The following ROPN1 variants were observed in gnomAD, a reference collection of about 807,000 sequenced individuals.
ROPN1 encodes the protein ropporin-1A.
In ROPN1, 14 loss-of-function variants were observed where a neutral mutation model predicts 20.5. That is an observed-to-expected ratio of 0.68 (90% CI 0.45 to 1.07). The LOEUF (loss-of-function observed/expected upper bound fraction) is 1.07, where lower values mean the gene tolerates loss of function less well. ROPN1 is among the 50% of genes least tolerant of loss of function. ROPN1 has a pLI of 0.00. For missense variants in ROPN1, 169 were observed against 242.8 expected, an observed-to-expected ratio of 0.70 and a Z score of 2.02; for synonymous variants, 76 against 95.7, an observed-to-expected ratio of 0.79 and a Z score of 1.20.
chr3:123,977,779 G>A (rs2038053914), intron 2 of ROPN1, among the ~76,000 whole-genome samples: 1 of 152,220 alleles, frequency 6.6e-6, no homozygotes, highest in African/African-American at 2.4e-5. Context: ...AATTTTCAGT[G>A]AAATCTGCCT....
chr3:123,976,952 G>A lies in ROPN1; in HGVS notation c.146C>T (p.Thr49Met), dbSNP rs372586555. ...DYFEALSRGETPPVRERSERV... is the reference protein window; with the variant it reads ...DYFEALSRGEMPPVRERSERV... Reference sequence around the variant, plus strand: ...CTCAGACCGCTCTCTCACCGGAGGCGTCTCTCCACGGGACAGGGCCTCAAA... The same window carrying A: ...CTCAGACCGCTCTCTCACCGGAGGCATCTCTCCACGGGACAGGGCCTCAAA... Residue 49 changes from threonine to methionine, a missense_variant, in exon 3 of 6, where the codon ACG (threonine) becomes ATG (methionine). Around this residue, in one of 3 missense-constraint regions of ROPN1, gnomAD observed 84 missense variants for 99.3 expected, o/e 0.85. Coordinates refer to ENST00000405845, the MANE Select transcript of ROPN1 (RefSeq NM_001317774.2). 52 of 1,613,996 alleles carry A rather than the reference G, an allele frequency of 3.2e-5. No homozygotes were observed. The highest frequency in any genetic ancestry group is 4.5e-5 in the East Asian group (2 of 44,886).
chr3:123,970,317 A>G, intron 4 of ROPN1, 100 bp from the exon 5 acceptor site: 1 of 1,039,010 alleles, frequency 9.6e-7, no homozygotes, highest in Non-Finnish European at 1.4e-6. Context: ...TTGCTCTTAT[A>G]AAATGAAGTG....
chr3:123,973,654 G>C (rs926035955), intron 4 of ROPN1, among the ~76,000 whole-genome samples: 5 of 152,186 alleles, frequency 3.3e-5, no homozygotes, highest in South Asian at 4.1e-4. Context: ...CTTTGTTACT[G>C]TGAGGTATGG....
chr3:123,989,219 A>G (rs772330333), intron 1 of ROPN1, among the ~76,000 whole-genome samples: 3 of 152,320 alleles, frequency 2.0e-5, no homozygotes, highest in Admixed American at 6.5e-5. Flanking sequence ...ATGGAGCTCT[A>G]AAGTGGACAA....
rs2038426778 is a variant in ROPN1, at chr3:123,992,107, G to T, written c.-198C>A. On this transcript the variant is annotated 5_prime_UTR_variant, in exon 1 of 6. Transcript: ENST00000405845. ...GCGGCGGGGCACGACCGCCGTTAGCGTTAGACGTTAGCGCTCCGCCTTCGC... is the reference window on the plus strand; with the variant it reads ...GCGGCGGGGCACGACCGCCGTTAGCTTTAGACGTTAGCGCTCCGCCTTCGC... 8.9e-6 allele frequency: 1 copy of T among 112,952 alleles called. No individual in the cohort carries two copies. Among genetic ancestry groups the T allele is most frequent in the African/African-American group, 3.1e-5 (1 of 31,826 alleles). The allele number at this position is 112,952 out of a possible 1,614,324, so 7.0% of individuals were successfully genotyped here.
intron 4 of ROPN1, among the ~76,000 whole-genome samples, chr3:123,971,933 AG>A (rs2037927607): frequency 6.6e-6 from 1 of 152,224 alleles, no homozygotes; most frequent in Admixed American, 6.5e-5. Flanking sequence ...AAATGAAGTT[AG>A]TAGGGTGTCT....
rs759345708 is a variant in ROPN1 at position 123,980,395 on chromosome 3, C to T, written c.87G>A (p.Gln29=). The T allele has an allele frequency of 1.2e-6, 2 of 1,614,090 alleles. No homozygotes were observed. Among genetic ancestry groups the T allele is most frequent in the African/African-American group, 2.7e-5 (2 of 74,932 alleles). The change falls in exon 2 of 6, where the codon CAG becomes CAA. Residue 29 remains glutamine (Q), a synonymous_variant. Transcript: ENST00000405845. ...KEFAKAAIRV[Q]PQDLIQWAAD... ...CTGCCCACTGGATGAGGTCCTGCGG[C>T]TGCACCCTAATGGCGGCTTTGGCAA...
At chr3:123,977,277 G>T (rs975097693) in intron 2 of ROPN1, among the ~76,000 whole-genome samples, 1 of 152,312 alleles carries the variant, frequency 6.6e-6, no homozygotes, top group East Asian at 1.9e-4. Flanking sequence ...TTGGGTTCAG[G>T]TTTCTTTTTC....
chr3:123,985,471 A>G (rs2038231637), intron 1 of ROPN1, among the ~76,000 whole-genome samples: 1 of 152,190 alleles, frequency 6.6e-6, no homozygotes, highest in South Asian at 2.1e-4. Flanking sequence ...CATCACCATC[A>G]TCATCATCAT....
At chr3:123,985,466 C>CCAT (rs911741212) in intron 1 of ROPN1, among the ~76,000 whole-genome samples, 1 of 152,046 alleles carries the variant, frequency 6.6e-6, no homozygotes, top group Admixed American at 6.6e-5. Context: ...ATCACCATCA[C>CCAT]CATCATCATC....
chr3:123,991,844 G>C (rs1286437121), intron 1 of ROPN1, 78 bp downstream of exon 1: 1 of 152,012 alleles, frequency 6.6e-6, no homozygotes, highest in African/African-American at 2.4e-5. Context: ...CGTCCGGCAG[G>C]GCTCCTCCCT....
intron 1 of ROPN1, among the ~76,000 whole-genome samples, chr3:123,988,869 TATA>T (rs1282783024): frequency 2.0e-5 from 3 of 151,660 alleles, no homozygotes; most frequent in African/African-American, 7.3e-5. Flanking sequence ...TCAAAGAAGG[TATA>T]ATAAGTGTCA....
chr3:123,986,384 C>T (rs1337240339), intron 1 of ROPN1, among the ~76,000 whole-genome samples: 2 of 152,056 alleles, frequency 1.3e-5, no homozygotes, highest in Non-Finnish European at 2.9e-5. Context: ...CACACAGTGG[C>T]AGAGGCAAGG....
chr3:123,985,953 G>A (rs933932607), intron 1 of ROPN1, among the ~76,000 whole-genome samples: 10 of 115,964 alleles, frequency 8.6e-5, no homozygotes, highest in Admixed American at 5.0e-4. Flanking sequence ...AGATCACACC[G>A]CTGTACTCTA....
intron 2 of ROPN1, chr3:123,980,144 T>A: frequency 1.7e-6 from 1 of 586,312 alleles, no homozygotes; most frequent in Non-Finnish European, 3.0e-6. Context: ...GGCGTCCTAC[T>A]GCTCAATCTG....
rs201340337 is a variant in ROPN1, at chr3:123,986,018, A to AAAAAAAAAAAAAAAT, written c.-12-5526_-12-5525insATTTTTTTTTTTTTT. On this transcript the variant is annotated intron_variant, in intron 1 of 5. Transcript: ENST00000405845. Reference sequence around the variant, plus strand: ...AAAAAAAAAAAAAAAAAAAAAAAAAATCAAAATATTTAAATTATACTTGAA... The same window carrying AAAAAAAAAAAAAAAT: ...AAAAAAAAAAAAAAAAAAAAAAAAAAAAAAAAAAAAAAAATTCAAAATATTTAAATTATACTTGAA... Among the ~76,000 whole-genome samples the AAAAAAAAAAAAAAAT allele has an allele frequency of 2.6e-3, 244 of 93,976 alleles. 69 individuals carry two copies. The highest frequency in any genetic ancestry group is 0.015 in the East Asian group (31 of 2,058). The allele number at this position is 93,976 out of a possible 152,430, so 61.7% of individuals were successfully genotyped here.
intron 5 of ROPN1, among the ~76,000 whole-genome samples, chr3:123,969,790 T>G (rs1345921990): frequency 6.6e-6 from 1 of 152,230 alleles, no homozygotes; most frequent in Non-Finnish European, 1.5e-5. Context: ...ATTCTGCATT[T>G]CTAACATCTT....
intron 1 of ROPN1, chr3:123,981,244 C>G (rs2038140742): frequency 6.6e-6 from 1 of 152,172 alleles, no homozygotes; most frequent in African/African-American, 2.4e-5. Context: ...CACCTAGAGG[C>G]CAGACAAATC....
chr3:123,988,465 G>A (rs552665828), intron 1 of ROPN1, among the ~76,000 whole-genome samples: 5 of 152,288 alleles, frequency 3.3e-5, no homozygotes, highest in South Asian at 2.1e-4. Context: ...AGGGCTCTGA[G>A]GGGGTGAATG....
Sources: gnomAD v4.1 joint callset for allele counts (sites outside exome capture counted in the v4.1 genomes callset) on GRCh38, gnomAD v4.1.1 for gene constraint, gnomAD v4.1.1 regional missense constraint, MANE v1.5 for transcripts, NCBI Gene and HGNC (gene_info 2026-07-23, HGNC 2026-07-21) for gene names.